The following PELI2 variants were observed in gnomAD, a reference collection of about 807,000 sequenced individuals.
PELI2 encodes the protein E3 ubiquitin-protein ligase pellino homolog 2.
A neutral mutation model predicts 42.3 loss-of-function variants in PELI2; 23 were observed. The ratio of observed to expected loss-of-function variants is 0.54; its 90% CI spans 0.39 to 0.77. The LOEUF (loss-of-function observed/expected upper bound fraction) is 0.77. Ranked by LOEUF, PELI2 falls within the 30% of genes least tolerant of loss-of-function variation. PELI2 has a pLI of 0.00. For synonymous variants in PELI2, 245 were observed against 212.2 expected (o/e 1.15, Z -1.34); for missense variants, 463 against 553.2 (o/e 0.84, Z 1.64).
chr14:56,290,317 C>T lies in PELI2; in HGVS notation c.557C>T (p.Thr186Ile), dbSNP rs965628550. 6.2e-7 allele frequency: 1 copy of T among 1,613,156 alleles called. No homozygotes were observed. Among genetic ancestry groups the T allele is most frequent in the African/African-American group, 1.3e-5 (1 of 75,008 alleles). The change falls in exon 5 of 6, where the codon ACT becomes ATT. Residue 186 changes from threonine to isoleucine, a missense_variant. By Grantham distance (89) the Thr-to-Ile change is moderately conservative. Coordinates refer to ENST00000267460, the MANE Select transcript of PELI2 (RefSeq NM_021255.3). The stretch of plus-strand genomic sequence containing the variant: ...CCCGACGGCCACATGGATGGGCTCA[C>T]TACTAATGGCGTCCTGGTGATGCAT... ...KNPDGHMDGL[T>I]TNGVLVMHPR...
intron 2 of PELI2, among the ~76,000 whole-genome samples, chr14:56,245,483 T>G (rs573339464): frequency 2.0e-5 from 3 of 152,336 alleles, no homozygotes; most frequent in Admixed American, 2.0e-4. Flanking sequence ...TAATTATCTA[T>G]CTGCATGTCT....
intron 1 of PELI2, among the ~76,000 whole-genome samples, chr14:56,125,262 C>G (rs145034861): frequency 7.9e-4 from 120 of 152,272 alleles, no homozygotes; most frequent in African/African-American, 2.8e-3. Flanking sequence ...GCTACACCAG[C>G]AAACAAGACA....
At chr14:56,274,897 T>G (rs963683591) in intron 2 of PELI2, among the ~76,000 whole-genome samples, 1 of 152,230 alleles carries the variant, frequency 6.6e-6, no homozygotes, top group Non-Finnish European at 1.5e-5. Context: ...CCCAGTTATA[T>G]TTTAACCTAA....
intron 4 of PELI2, among the ~76,000 whole-genome samples, chr14:56,289,615 C>T (rs947237378): frequency 2.0e-5 from 3 of 152,026 alleles, no homozygotes; most frequent in Non-Finnish European, 4.4e-5. Flanking sequence ...CACCACCCCC[C>T]AACCCCCGCC....
At chr14:56,177,468 A>C (rs1006053902) in intron 1 of PELI2, among the ~76,000 whole-genome samples, 1 of 152,184 alleles carries the variant, frequency 6.6e-6, no homozygotes, top group Admixed American at 6.5e-5. Flanking sequence ...CTTGAAAAGA[A>C]CTTCCGCCAA....
At chr14:56,199,599 A>G (rs893807099) in intron 2 of PELI2, among the ~76,000 whole-genome samples, 1 of 152,218 alleles carries the variant, frequency 6.6e-6, no homozygotes, top group Non-Finnish European at 1.5e-5. Flanking sequence ...ACTGAGGTTT[A>G]TAACTAGCAA....
intron 2 of PELI2, among the ~76,000 whole-genome samples, chr14:56,200,494 C>G (rs1488824267): frequency 6.6e-6 from 1 of 152,186 alleles, no homozygotes; most frequent in Non-Finnish European, 1.5e-5. Context: ...CTACCACACT[C>G]TACTGCCTTC....
intron 5 of PELI2, 80 bp downstream of exon 5, chr14:56,290,536 T>C: frequency 9.1e-7 from 1 of 1,095,820 alleles, no homozygotes; most frequent in Non-Finnish European, 1.3e-6. Context: ...CCTCCCCTGA[T>C]GTTCAGAACC....
chr14:56,121,293 A>G (rs770258147), intron 1 of PELI2, among the ~76,000 whole-genome samples: 41 of 151,286 alleles, frequency 2.7e-4, no homozygotes, highest in Admixed American at 1.5e-3. Context: ...TTCGAATGTC[A>G]TAGTGAAACA....
intron 2 of PELI2, among the ~76,000 whole-genome samples, chr14:56,216,143 A>G (rs1423869357): frequency 6.6e-6 from 1 of 152,186 alleles, no homozygotes; most frequent in East Asian, 1.9e-4. Context: ...GCAGTTGTTT[A>G]TGTATTTGCT....
chr14:56,248,729 G>T (rs924251662), intron 2 of PELI2, among the ~76,000 whole-genome samples: 1 of 151,878 alleles, frequency 6.6e-6, no homozygotes, highest in Non-Finnish European at 1.5e-5. Flanking sequence ...AGAGAAAAGG[G>T]GTGACTCTAA....
chr14:56,134,287 A>G (rs1270481257), intron 1 of PELI2, among the ~76,000 whole-genome samples: 4 of 152,242 alleles, frequency 2.6e-5, no homozygotes, highest in South Asian at 2.1e-4. Flanking sequence ...AGTATGTAGT[A>G]TTAAAGTCTC....
At chr14:56,272,147 T>G (rs1376624754) in intron 2 of PELI2, among the ~76,000 whole-genome samples, 1 of 152,200 alleles carries the variant, frequency 6.6e-6, no homozygotes, top group Non-Finnish European at 1.5e-5. Flanking sequence ...AACATTCATT[T>G]GATTTAGCCA....
intron 2 of PELI2, among the ~76,000 whole-genome samples, chr14:56,276,113 C>T (rs570722238): frequency 1.8e-4 from 28 of 152,268 alleles, no homozygotes; most frequent in Admixed American, 4.6e-4. Context: ...ACAATTGATA[C>T]TTCTAACAAA....
intron 1 of PELI2, among the ~76,000 whole-genome samples, chr14:56,126,081 C>T (rs1236771964): frequency 1.3e-5 from 2 of 152,150 alleles, no homozygotes; most frequent in African/African-American, 4.8e-5. Context: ...TCAGATATTC[C>T]AGTTTCAACT....
At chr14:56,173,354 A>T (rs1566619101) in intron 1 of PELI2, among the ~76,000 whole-genome samples, 1 of 151,380 alleles carries the variant, frequency 6.6e-6, no homozygotes, top group Non-Finnish European at 1.5e-5. Context: ...GGCTTATTGA[A>T]CCAGACTCTC....
At chr14:56,182,814 A>T (rs1386959795) in intron 2 of PELI2, among the ~76,000 whole-genome samples, 1 of 152,162 alleles carries the variant, frequency 6.6e-6, no homozygotes, top group Non-Finnish European at 1.5e-5. Context: ...TAACAATATA[A>T]TTTTCAACAT....
intron 2 of PELI2, among the ~76,000 whole-genome samples, chr14:56,261,790 TA>T (rs1477900496): frequency 1.3e-5 from 2 of 152,222 alleles, no homozygotes; most frequent in African/African-American, 4.8e-5. Flanking sequence ...ATTTGGTTAT[TA>T]AGGTGTATAT....
At chr14:56,127,756 C>T (rs1883327977) in intron 1 of PELI2, among the ~76,000 whole-genome samples, 1 of 152,170 alleles carries the variant, frequency 6.6e-6, no homozygotes, top group South Asian at 2.1e-4. Flanking sequence ...AACGTAACTT[C>T]TGAAATTTCC....
Sources: gnomAD v4.1 joint callset for allele counts (sites outside exome capture counted in the v4.1 genomes callset) on GRCh38, gnomAD v4.1.1 for gene constraint, MANE v1.5 for transcripts, NCBI Gene and HGNC (gene_info 2026-07-23, HGNC 2026-07-21) for gene names.